SYCP2L: variants seen among roughly 807,000 people sequenced by gnomAD.
The protein encoded by SYCP2L is synaptonemal complex protein 2 like.
Under a neutral mutation model 125.8 loss-of-function variants are expected in SYCP2L, and 98 were observed. The observed-to-expected ratio is 0.78, with a 90% CI of 0.66 to 0.92. SYCP2L has a LOEUF of 0.92. Ranked by LOEUF, SYCP2L falls within the 40% of genes least tolerant of loss-of-function variation. SYCP2L has a pLI of 0.00. For missense variants in SYCP2L, 842 were observed against 936.4 expected (o/e 0.90, Z 1.32); for synonymous variants, 317 against 325.4 (o/e 0.97, Z 0.28).
At chr6:10,924,733 T>A in intron 15 of SYCP2L, 92 bp downstream of exon 15, 1 of 1,192,054 alleles carries the variant, frequency 8.4e-7, no homozygotes, top group Non-Finnish European at 1.1e-6. Flanking sequence ...TGTGAATATT[T>A]GATAAAGCAG....
chr6:10,927,238 A>G lies in SYCP2L; in HGVS notation c.1313-2A>G. ...TATTAGTCTTTTTCTTAATTTGTAT[A>G]GAGCAGGCAGAAGAATCCACTAACA... is the stretch of plus-strand genomic sequence containing the variant. On this transcript the variant is annotated splice_acceptor_variant, in intron 16 of 29. Coordinates refer to ENST00000283141, the MANE Select transcript of SYCP2L (RefSeq NM_001040274.3). LOFTEE classifies it high-confidence loss of function. The G allele has an allele frequency of 6.2e-7, 1 of 1,614,040 alleles. No homozygotes were observed. The highest frequency in any genetic ancestry group is 8.5e-7 in the Non-Finnish European group (1 of 1,179,974).
chr6:10,949,404 T>A (rs1781370316), intron 23 of SYCP2L, among the ~76,000 whole-genome samples: 1 of 152,200 alleles, frequency 6.6e-6, no homozygotes, highest in Non-Finnish European at 1.5e-5. Context: ...TCCAAGCATA[T>A]GGGATACTTT....
At chr6:10,917,234 C>T (rs1780708568) in intron 14 of SYCP2L, among the ~76,000 whole-genome samples, 1 of 152,172 alleles carries the variant, frequency 6.6e-6, no homozygotes. Flanking sequence ...TTAGTGCTGT[C>T]AGTGGAGTAT....
intron 6 of SYCP2L, 43 bp from the exon 7 acceptor site, chr6:10,902,634 C>G: frequency 6.4e-7 from 1 of 1,556,456 alleles, no homozygotes; most frequent in Non-Finnish European, 8.8e-7. Context: ...CATTTTCTTA[C>G]TCTTCCAAAC....
chr6:10,898,484 C>T (rs2113294921), intron 5 of SYCP2L, among the ~76,000 whole-genome samples: 1 of 152,266 alleles, frequency 6.6e-6, no homozygotes, highest in East Asian at 1.9e-4. Context: ...GATTGTACTT[C>T]AGCCTGGGAA....
At chr6:10,887,179 AG>A in intron 1 of SYCP2L, 44 bp downstream of exon 1, 1 of 1,611,032 alleles carries the variant, frequency 6.2e-7, no homozygotes, top group South Asian at 1.1e-5. Flanking sequence ...CCACAGTGCT[AG>A]GGCGCGCGAG....
intron 14 of SYCP2L, among the ~76,000 whole-genome samples, chr6:10,914,486 G>C (rs1206323207): frequency 2.0e-5 from 3 of 151,956 alleles, no homozygotes; most frequent in Non-Finnish European, 4.4e-5. Context: ...TGGCTACGTG[G>C]GCTCTTTTTG....
intron 14 of SYCP2L, among the ~76,000 whole-genome samples, chr6:10,921,718 T>A (rs1780802682): frequency 6.6e-6 from 1 of 152,070 alleles, no homozygotes; most frequent in Admixed American, 6.6e-5. Flanking sequence ...ACCTTTTTTT[T>A]TTTTTGAGAT....
rs1242534285 is a variant in SYCP2L at position 10,910,205 on chromosome 6, G to T, written c.872+5G>T. On this transcript the variant is annotated splice_donor_5th_base_variant and intron_variant, in intron 11 of 29. Transcript: ENST00000283141. The stretch of plus-strand genomic sequence containing the variant: ...CAGACTTGGTGACCAAAGAAGGTAA[G>T]TTGTGTCTCTGAGCATTATTGACTA... The T allele has an allele frequency of 6.2e-7, 1 of 1,613,384 alleles. No homozygotes were observed.
chr6:10,931,500 T>G lies in SYCP2L; in HGVS notation c.1683+11T>G. The G allele has an allele frequency of 6.2e-7, 1 of 1,613,654 alleles. No homozygotes were observed. Among genetic ancestry groups the G allele is most frequent in the Non-Finnish European group, 8.5e-7 (1 of 1,179,556 alleles). On this transcript the variant is annotated intron_variant, in intron 20 of 29. Coordinates refer to ENST00000283141, the MANE Select transcript of SYCP2L (RefSeq NM_001040274.3). ...CATGAGAAAGACCAAGTAAGTACATTGTATCTGGGTTGCTGTGTGCCCTGT... is the reference window on the plus strand; with the variant it reads ...CATGAGAAAGACCAAGTAAGTACATGGTATCTGGGTTGCTGTGTGCCCTGT...
At chr6:10,889,188 C>T (rs1243580191) in intron 1 of SYCP2L, among the ~76,000 whole-genome samples, 1 of 152,200 alleles carries the variant, frequency 6.6e-6, no homozygotes, top group Non-Finnish European at 1.5e-5. Flanking sequence ...GTAGCTTTAG[C>T]TGTTCCTCCT....
intron 27 of SYCP2L, 22 bp from the exon 28 acceptor site, chr6:10,961,478 C>G: frequency 6.2e-7 from 1 of 1,613,960 alleles, no homozygotes; most frequent in Non-Finnish European, 8.5e-7. Flanking sequence ...GCTACTTAAA[C>G]AAAACTTTTG....
intron 9 of SYCP2L, 51 bp downstream of exon 9, chr6:10,906,105 G>C (rs780183275): frequency 1.3e-5 from 14 of 1,083,650 alleles, no homozygotes; most frequent in Non-Finnish European, 2.0e-5. Context: ...TTGGACACTG[G>C]GGGTTTTATG....
At chr6:10,892,171 C>T (rs1046308198) in intron 2 of SYCP2L, among the ~76,000 whole-genome samples, 7 of 152,172 alleles carry the variant, frequency 4.6e-5, no homozygotes, top group African/African-American at 1.7e-4. Flanking sequence ...GGCCCCGAGG[C>T]AAGGAAGAGC....
At chr6:10,967,454 GGTGTGTGTGT>G (rs3066151) in intron 29 of SYCP2L, among the ~76,000 whole-genome samples, 20 of 138,916 alleles carry the variant, frequency 1.4e-4, no homozygotes, top group African/African-American at 3.2e-4. Context: ...TGGGGTAGAG[GGTGTGTGTGT>G]GTGTGTGTGT....
At chr6:10,939,207 A>C (rs574805499) in intron 21 of SYCP2L, among the ~76,000 whole-genome samples, 5 of 152,306 alleles carry the variant, frequency 3.3e-5, no homozygotes, top group South Asian at 2.1e-4. Flanking sequence ...TCTGAAAACT[A>C]TAAGACATTG....
At chr6:10,898,144 C>T (rs1561680286) in intron 5 of SYCP2L, 29 bp downstream of exon 5, 3 of 1,453,634 alleles carry the variant, frequency 2.1e-6, no homozygotes, top group Admixed American at 1.7e-5. Context: ...CTTCACTGAG[C>T]AGATGCCATT....
chr6:10,890,159 C>A (rs1001763428), intron 1 of SYCP2L, among the ~76,000 whole-genome samples: 7 of 152,148 alleles, frequency 4.6e-5, no homozygotes, highest in Non-Finnish European at 8.8e-5. Flanking sequence ...TTATGAATAG[C>A]GCTGCAGTAA....
chr6:10,898,973 CCA>C lies in SYCP2L; in HGVS notation c.466+127_466+128del, dbSNP rs1258163620. 45 of 677,998 alleles carry C rather than the reference CCA, an allele frequency of 6.6e-5. No individual in the cohort carries two copies. In the East Asian group the frequency reaches 1.2e-3, roughly 18 times the overall value. 42.0% of individuals were successfully genotyped at this position (677,998 alleles called of 1,614,324 possible). A position where few individuals can be genotyped will look rare whatever the true frequency, so the allele number is the denominator to read the frequency against. ...TAAACATTTTATTTGGATTTATTGA[CCA>C]CCTTATGGTCATCATAGTGTCATTT... On this transcript the variant is annotated intron_variant, in intron 6 of 29. Coordinates refer to ENST00000283141, the MANE Select transcript of SYCP2L (RefSeq NM_001040274.3).
Sources: allele counts gnomAD v4.1 joint callset (sites outside exome capture counted in the v4.1 genomes callset), GRCh38; gene constraint gnomAD v4.1.1; transcripts MANE v1.5; gene names NCBI Gene and HGNC (gene_info 2026-07-23, HGNC 2026-07-21).